The following PDZK1 variants were observed in gnomAD, a reference collection of about 807,000 sequenced individuals.
PDZK1 encodes PDZ domain containing 1.
A neutral mutation model predicts 38.1 loss-of-function variants in PDZK1; 23 were observed. The ratio of observed to expected loss-of-function variants is 0.60; its 90% CI spans 0.43 to 0.85. The LOEUF is 0.85. Among genes scored for constraint, PDZK1 ranks in the 40% least tolerant of loss-of-function variants. The pLI, the probability that PDZK1 is intolerant of heterozygous loss-of-function variation, is 0.00. For missense variants in PDZK1, 297 were observed against 504.3 expected, an observed-to-expected ratio of 0.59 and a Z score of 3.94; for synonymous variants, 98 against 186.2, an observed-to-expected ratio of 0.53 and a Z score of 3.86.
At chr1:145,687,001 G>A (rs970177950) in intron 2 of PDZK1, among the ~76,000 whole-genome samples, 3 of 152,068 alleles carry the variant, frequency 2.0e-5, no homozygotes, top group East Asian at 1.9e-4. Context: ...AGAGAGGAGC[G>A]CTGCCCTAGA....
chr1:145,702,079 T>C (rs1655989782), intron 1 of PDZK1, among the ~76,000 whole-genome samples: 1 of 152,192 alleles, frequency 6.6e-6, no homozygotes, highest in Non-Finnish European at 1.5e-5. Context: ...GAGAAATCAA[T>C]GAAATCCATT....
intron 1 of PDZK1, among the ~76,000 whole-genome samples, chr1:145,694,480 T>C (rs1288492470): frequency 3.3e-5 from 5 of 152,240 alleles, no homozygotes; most frequent in Non-Finnish European, 7.3e-5. Context: ...CATTTGTTCA[T>C]GCCACAGGCA....
At chr1:145,676,716 C>T (rs587773186) in intron 6 of PDZK1, among the ~76,000 whole-genome samples, 1 of 138,570 alleles carries the variant, frequency 7.2e-6, no homozygotes, top group African/African-American at 2.7e-5. Context: ...CAGAGCAAGA[C>T]AACGTCTCAA....
intron 5 of PDZK1, among the ~76,000 whole-genome samples, chr1:145,680,203 A>G (rs1173930444): frequency 9.9e-5 from 15 of 152,080 alleles, no homozygotes; most frequent in Admixed American, 2.0e-4. Flanking sequence ...CTCCTTCACT[A>G]AAGAATTCCT....
intron 1 of PDZK1, among the ~76,000 whole-genome samples, chr1:145,700,804 C>G (rs74410250): frequency 0.014 from 2,164 of 152,276 alleles, 41 homozygotes; most frequent in African/African-American, 0.05. Context: ...CTAATAGTAA[C>G]TAGGAATCAA....
At chr1:145,676,169 G>A (rs1653646665) in intron 6 of PDZK1, 9 of 984,860 alleles carry the variant, frequency 9.1e-6, no homozygotes, top group Non-Finnish European at 1.1e-5. Context: ...TTGGAGAGCG[G>A]GGAAGGAGAT....
intron 1 of PDZK1, among the ~76,000 whole-genome samples, chr1:145,689,659 C>T (rs1655079935): frequency 1.3e-5 from 2 of 152,192 alleles, no homozygotes; most frequent in African/African-American, 4.8e-5. Context: ...TTCACACCAC[C>T]TGCAAGGCAA....
intron 1 of PDZK1, among the ~76,000 whole-genome samples, chr1:145,694,258 C>T (rs887749451): frequency 1.3e-5 from 2 of 152,160 alleles, no homozygotes; most frequent in Non-Finnish European, 2.9e-5. Context: ...GGACTGAGGC[C>T]CTACCAGTCA....
intron 1 of PDZK1, among the ~76,000 whole-genome samples, chr1:145,699,746 T>G (rs1247501127): frequency 1.3e-5 from 2 of 152,242 alleles, no homozygotes; most frequent in African/African-American, 2.4e-5. Flanking sequence ...TGTTTCCATC[T>G]TCCCCCAGGA....
At chr1:145,686,085 T>A (rs1553701597) in intron 3 of PDZK1, among the ~76,000 whole-genome samples, 6 of 152,162 alleles carry the variant, frequency 3.9e-5, no homozygotes, top group African/African-American at 1.4e-4. Flanking sequence ...TACTCAAAAA[T>A]AGCTATTATG....
In PDZK1 at chr1:145,688,170, C is replaced by T; in HGVS notation, c.-2-147G>A. On this transcript the variant is annotated intron_variant, in intron 1 of 8. Transcript: ENST00000417171. ...GTAATGCTGGGGGCACAGGAGGACA[C>T]CTTCCAGAACTTGCTAATGATTTCC... 5.7e-6 allele frequency: 4 copies of T among 702,100 alleles called. No homozygotes were observed. In the South Asian group the frequency reaches 7.1e-5, roughly 12 times the overall value. 43.5% of individuals were successfully genotyped at this position (702,100 alleles called of 1,614,324 possible). A position where few individuals can be genotyped will look rare whatever the true frequency, so the allele number is the denominator to read the frequency against.
chr1:145,687,667 A>G, intron 2 of PDZK1, 145 bp downstream of exon 2: 1 of 684,848 alleles, frequency 1.5e-6, no homozygotes, highest in Non-Finnish European at 2.6e-6. Context: ...ATTGGCCAAC[A>G]CAAGGTACAG....
chr1:145,679,844 A>G (rs1186781765), intron 5 of PDZK1, among the ~76,000 whole-genome samples: 1 of 152,220 alleles, frequency 6.6e-6, no homozygotes, highest in Non-Finnish European at 1.5e-5. Flanking sequence ...TCAGTCTTGC[A>G]TAGAAGTCCC....
At position 145,702,978 on chromosome 1, in the gene PDZK1, G is replaced by A. The variant is rs587655178; in HGVS notation, c.-3+4339C>T. Among the ~76,000 whole-genome samples the A allele has an allele frequency of 1.3e-3, 196 of 152,236 alleles. 1 individual carries two copies. The highest frequency in any genetic ancestry group is 4.6e-3 in the African/African-American group (190 of 41,550). The stretch of plus-strand genomic sequence containing the variant: ...CCTCAGGCCCCCAGCTCCTCAGCAA[G>A]CCCCAATTGGTCTATGCATGGTCAC... On this transcript the variant is annotated intron_variant, in intron 1 of 8. Transcript: ENST00000417171.
chr1:145,688,397 T>C (rs1559071689), intron 1 of PDZK1, among the ~76,000 whole-genome samples: 1 of 152,160 alleles, frequency 6.6e-6, no homozygotes, highest in Non-Finnish European at 1.5e-5. Context: ...GAAGAGCTTT[T>C]CAAGTTCAAG....
In PDZK1 at chr1:145,674,557, G is replaced by C. The variant is rs186293124; in HGVS notation, c.991-676C>G. On this transcript the variant is annotated intron_variant, in intron 6 of 8. Coordinates refer to ENST00000417171, the MANE Select transcript of PDZK1 (RefSeq NM_001201325.2). Reference sequence around the variant, plus strand: ...GATACCCTCTTCCTCTCCTGTGCTTGGACATCAGAATTCCTGGTTCTCCGG... The same window carrying C: ...GATACCCTCTTCCTCTCCTGTGCTTCGACATCAGAATTCCTGGTTCTCCGG... 1.7e-3 allele frequency among the ~76,000 whole-genome samples: 259 copies of C among 152,232 alleles called. 2 individuals are homozygous for C. The highest frequency in any genetic ancestry group is 6.1e-3 in the African/African-American group (252 of 41,546).
intron 4 of PDZK1, among the ~76,000 whole-genome samples, chr1:145,681,407 C>T (rs1571593965): frequency 1.3e-5 from 2 of 148,880 alleles, no homozygotes; most frequent in African/African-American, 2.6e-5. Flanking sequence ...CTCAGCCTCC[C>T]GAGTACCTGG....
rs1559055813 is a variant in PDZK1, at chr1:145,671,330, C to A, written c.*106G>T. On this transcript the variant is annotated 3_prime_UTR_variant, in exon 9 of 9. Coordinates refer to ENST00000417171, the MANE Select transcript of PDZK1 (RefSeq NM_001201325.2). ...AATGGTTTCCAGTGGAGTTTTTCTT[C>A]TAAAGAGACAGTAAACAGGTCACAA... The A allele has an allele frequency of 3.8e-6, 6 of 1,572,978 alleles. No individual in the cohort carries two copies. The highest frequency in any genetic ancestry group is 1.4e-5 in the African/African-American group (1 of 73,854).
At chr1:145,673,377 T>C (rs1349136282) in intron 7 of PDZK1, among the ~76,000 whole-genome samples, 6 of 151,366 alleles carry the variant, frequency 4.0e-5, no homozygotes, top group Non-Finnish European at 2.9e-5. Context: ...CAAACAAATA[T>C]GACTGCCAAT....
Sources: gnomAD v4.1 joint callset for allele counts (sites outside exome capture counted in the v4.1 genomes callset) on GRCh38, gnomAD v4.1.1 for gene constraint, MANE v1.5 for transcripts, NCBI Gene and HGNC (gene_info 2026-07-23, HGNC 2026-07-21) for gene names.